The following NDUFAF2 variants were observed in gnomAD, a reference collection of about 807,000 sequenced individuals.
NDUFAF2 encodes NADH dehydrogenase [ubiquinone] 1 alpha subcomplex assembly factor 2.
A neutral mutation model predicts 22.8 loss-of-function variants in NDUFAF2; 13 were observed. The ratio of observed to expected loss-of-function variants is 0.57; its 90% CI spans 0.37 to 0.91. The LOEUF (loss-of-function observed/expected upper bound fraction) is 0.91, where lower values mean the gene tolerates loss of function less well. NDUFAF2 is among the 40% of genes least tolerant of loss of function. The probability of loss-of-function intolerance (pLI) is 0.01; values close to 1 mark genes in which losing one functional copy is unlikely to be tolerated. For synonymous variants in NDUFAF2, 53 were observed against 64.2 expected (o/e 0.83, Z 0.84); for missense variants, 162 against 195.2 (o/e 0.83, Z 1.01).
chr5:61,048,772 A>G (rs1751987148), intron 1 of NDUFAF2, among the ~76,000 whole-genome samples: 1 of 152,096 alleles, frequency 6.6e-6, no homozygotes, highest in South Asian at 2.1e-4. Context: ...TATGACTTAG[A>G]TGTTACTCAT....
At chr5:61,120,863 A>AT (rs1417569870) in intron 3 of NDUFAF2, among the ~76,000 whole-genome samples, 6 of 151,932 alleles carry the variant, frequency 3.9e-5, no homozygotes, top group African/African-American at 1.2e-4. Flanking sequence ...TTATCCATAC[A>AT]TTTTTTCTCA....
intron 2 of NDUFAF2, among the ~76,000 whole-genome samples, chr5:61,094,503 G>A (rs1417948717): frequency 6.6e-6 from 1 of 152,168 alleles, no homozygotes; most frequent in Non-Finnish European, 1.5e-5. Context: ...AGCCATCTCA[G>A]CTTAAGCGCA....
In NDUFAF2 at chr5:61,138,278, C is replaced by T. The variant is rs892853203; in HGVS notation, c.259-14426C>T. Among the ~76,000 whole-genome samples, 4 of 79,304 alleles carry T rather than the reference C, an allele frequency of 5.0e-5. No individual in the cohort carries two copies. The East Asian group carries it at 2.3e-3, about 45-fold the overall frequency. 52.0% of individuals were successfully genotyped at this position (79,304 alleles called of 152,430 possible). A position where few individuals can be genotyped will look rare whatever the true frequency, so the allele number is the denominator to read the frequency against. ...CAAGGAGACTTATTAGGAGTCCAAG[C>T]AAGAAATGCTATTGGCCATAGAGAT... On this transcript the variant is annotated intron_variant, in intron 3 of 3. Transcript: ENST00000296597.
At chr5:61,083,480 T>C (rs1297876166) in intron 2 of NDUFAF2, among the ~76,000 whole-genome samples, 1 of 152,090 alleles carries the variant, frequency 6.6e-6, no homozygotes, top group Non-Finnish European at 1.5e-5. Context: ...CTCAGCCTCA[T>C]GAGTAGCTGG....
rs1741058720 is a variant in NDUFAF2 at position 61,141,572 on chromosome 5, C to T, written c.259-11132C>T. Among the ~76,000 whole-genome samples the T allele has an allele frequency of 2.0e-5, 3 of 152,162 alleles. No individual in the cohort carries two copies. In the South Asian group the frequency reaches 6.2e-4, roughly 31 times the overall value. ...CTATGGTACCTCCTTTGACCATCCT[C>T]TTTGTTCCTCAAAGATGCTTCATAA... On this transcript the variant is annotated intron_variant, in intron 3 of 3. Transcript: ENST00000296597.
chr5:60,952,476 A>G (rs1231736070), intron 1 of NDUFAF2, among the ~76,000 whole-genome samples: 1 of 152,032 alleles, frequency 6.6e-6, no homozygotes, highest in Non-Finnish European at 1.5e-5. Context: ...GTTCTTTACA[A>G]ATATTTGGAG....
chr5:61,089,133 T>A (rs558539065), intron 2 of NDUFAF2, among the ~76,000 whole-genome samples: 96 of 152,272 alleles, frequency 6.3e-4, no homozygotes, highest in Non-Finnish European at 1.1e-3. Context: ...TTAATTTGCA[T>A]ACTCACCTTT....
chr5:60,967,777 T>G (rs1277385017), intron 1 of NDUFAF2, among the ~76,000 whole-genome samples: 1 of 151,482 alleles, frequency 6.6e-6, no homozygotes, highest in African/African-American at 2.4e-5. Context: ...TATCTATGCT[T>G]ATCAGGAATA....
intron 1 of NDUFAF2, among the ~76,000 whole-genome samples, chr5:61,006,891 CTAGTGGCACTAAGTCTCTGGTTT>C (rs1262137854): frequency 2.4e-4 from 37 of 152,174 alleles, no homozygotes; most frequent in Middle Eastern, 3.4e-3. Flanking sequence ...TCCAAAAATA[CTAGTGGCACTAAGTCTCTGGTTT>C]TGGAACAATA....
intron 1 of NDUFAF2, among the ~76,000 whole-genome samples, chr5:61,040,364 G>C (rs186516352): frequency 2.2e-4 from 34 of 151,748 alleles, no homozygotes; most frequent in Middle Eastern, 3.4e-3. Context: ...GGAGCCACTA[G>C]AAAAGGCAAA....
chr5:60,962,546 A>G (rs953722024), intron 1 of NDUFAF2, among the ~76,000 whole-genome samples: 30 of 152,178 alleles, frequency 2.0e-4, no homozygotes, highest in Non-Finnish European at 4.4e-5. Context: ...ATTCATAAAC[A>G]TTAGAAAATT....
At chr5:61,066,357 C>T (rs1752228189) in intron 1 of NDUFAF2, among the ~76,000 whole-genome samples, 2 of 151,828 alleles carry the variant, frequency 1.3e-5, no homozygotes, top group African/African-American at 4.8e-5. Flanking sequence ...GGAAAACAAT[C>T]CTAAAATTTG....
chr5:61,020,330 T>A (rs1198917700), intron 1 of NDUFAF2, among the ~76,000 whole-genome samples: 1 of 152,176 alleles, frequency 6.6e-6, no homozygotes, highest in Non-Finnish European at 1.5e-5. Context: ...GTATTATTTT[T>A]CTGATTTCTT....
intron 1 of NDUFAF2, among the ~76,000 whole-genome samples, chr5:61,036,447 A>G (rs1751801643): frequency 2.0e-5 from 3 of 152,242 alleles, no homozygotes; most frequent in African/African-American, 7.2e-5. Context: ...TTCATTGCCT[A>G]TTCCTAGTGT....
At chr5:61,025,943 G>A (rs1751643958) in intron 1 of NDUFAF2, among the ~76,000 whole-genome samples, 1 of 151,958 alleles carries the variant, frequency 6.6e-6, no homozygotes, top group Non-Finnish European at 1.5e-5. Flanking sequence ...GGGGGCAGAT[G>A]TTTTATATCA....
At chr5:61,035,070 A>AT (rs34608613) in intron 1 of NDUFAF2, among the ~76,000 whole-genome samples, 29,799 of 142,812 alleles carry the variant, frequency 0.21, 3,293 homozygotes, top group Non-Finnish European at 0.26. Context: ...AAGATAGTGT[A>AT]TTTTTTTTTT....
Position 61,105,534 on chromosome 5 carries a change from A to G in NDUFAF2, c.258+6502A>G, listed in dbSNP as rs1209799163. Among the ~76,000 whole-genome samples the G allele has an allele frequency of 3.3e-5, 5 of 150,634 alleles. 1 individual carries two copies. Among genetic ancestry groups the G allele is most frequent in the African/African-American group, 1.2e-4 (5 of 40,284 alleles). On this transcript the variant is annotated intron_variant, in intron 3 of 3. Coordinates refer to ENST00000296597, the MANE Select transcript of NDUFAF2 (RefSeq NM_174889.5). The stretch of plus-strand genomic sequence containing the variant: ...ATTGCAGCATGTTCATACCTGTTAA[A>G]CATCATTCATTAAAATGAATGAAAA...
At chr5:60,946,917 T>G (rs1474864171) in intron 1 of NDUFAF2, among the ~76,000 whole-genome samples, 1 of 152,248 alleles carries the variant, frequency 6.6e-6, no homozygotes, top group South Asian at 2.1e-4. Context: ...TCTGGCTTGC[T>G]TCACATAGCA....
intron 2 of NDUFAF2, among the ~76,000 whole-genome samples, chr5:61,085,820 A>G (rs1280333541): frequency 6.6e-6 from 1 of 152,184 alleles, no homozygotes; most frequent in African/African-American, 2.4e-5. Context: ...TACATTGAAA[A>G]ACATAAAATA....
Sources: gnomAD v4.1 joint callset for allele counts (sites outside exome capture counted in the v4.1 genomes callset) on GRCh38, gnomAD v4.1.1 for gene constraint, MANE v1.5 for transcripts, NCBI Gene and HGNC (gene_info 2026-07-23, HGNC 2026-07-21) for gene names.